Variants in BCR observed in about 807,000 individuals in gnomAD.
The protein encoded by BCR is breakpoint cluster region protein.
A neutral mutation model predicts 138.6 loss-of-function variants in BCR; 58 were observed. That is an observed-to-expected ratio of 0.42 (90% CI 0.34 to 0.52). The LOEUF is 0.52. BCR is among the 20% of genes least tolerant of loss of function. The pLI is 0.06. For synonymous variants in BCR, 786 were observed against 730.1 expected, an observed-to-expected ratio of 1.08 and a Z score of -1.23; for missense variants, 1,599 against 1,727.2, an observed-to-expected ratio of 0.93 and a Z score of 1.32.
intron 1 of BCR, among the ~76,000 whole-genome samples, chr22:23,239,085 T>G (rs2073058919): frequency 1.3e-5 from 2 of 152,154 alleles, no homozygotes; most frequent in Admixed American, 1.3e-4. Context: ...AGCTTGTCGC[T>G]TTAGTACCTC....
rs554866495 is a variant in BCR at position 23,252,471 on chromosome 22, C to T, written c.1280-1328C>T. 1.9e-4 allele frequency among the ~76,000 whole-genome samples: 25 copies of T among 134,002 alleles called. No individual in the cohort carries two copies. The South Asian group carries it at 2.0e-3, about 11-fold the overall frequency. The allele number at this position is 134,002 out of a possible 152,430, so 87.9% of individuals were successfully genotyped here. On this transcript the variant is annotated intron_variant, in intron 1 of 22. Transcript: ENST00000305877. ...TTTGAGACAGAGTCTTGCTCTGTCA[C>T]CTAGGCTGGAGTGCAGTGGTGCAAT...
chr22:23,203,587 G>C (rs1472436863), intron 1 of BCR, among the ~76,000 whole-genome samples: 1 of 152,178 alleles, frequency 6.6e-6, no homozygotes, highest in Non-Finnish European at 1.5e-5. Context: ...TGATAGGGAG[G>C]AGCCCTGAGC....
intron 8 of BCR, among the ~76,000 whole-genome samples, chr22:23,278,692 A>T (rs1000675501): frequency 6.6e-6 from 1 of 152,078 alleles, no homozygotes; most frequent in Non-Finnish European, 1.5e-5. Context: ...ACGCCATTGC[A>T]CTCTGCACTC....
At position 23,226,579 on chromosome 22, in the gene BCR, G is replaced by T. The variant is rs558981246; in HGVS notation, c.1280-27220G>T. The stretch of plus-strand genomic sequence containing the variant: ...AGGCCTCTCCCTCACATTTAGGCCA[G>T]GGGTTGGCAAATTGCAGCTTAGTCC... On this transcript the variant is annotated intron_variant, in intron 1 of 22. Coordinates refer to ENST00000305877, the MANE Select transcript of BCR (RefSeq NM_004327.4). 3.3e-5 allele frequency among the ~76,000 whole-genome samples: 5 copies of T among 152,342 alleles called. No homozygotes were observed. In the South Asian group the frequency reaches 1.0e-3, roughly 32 times the overall value.
chr22:23,255,136 T>C (rs901057439), intron 2 of BCR, among the ~76,000 whole-genome samples: 1 of 152,256 alleles, frequency 6.6e-6, no homozygotes, highest in Admixed American at 6.5e-5. Context: ...GCTGCTTTTT[T>C]CTGGGGCTGA....
chr22:23,280,306 G>C (rs1334850089), intron 8 of BCR, among the ~76,000 whole-genome samples: 1 of 152,210 alleles, frequency 6.6e-6, no homozygotes, highest in Non-Finnish European at 1.5e-5. Context: ...GCAAGGAGGT[G>C]CCCCTCCTCA....
chr22:23,182,015 G>T lies in BCR; in HGVS notation c.1055G>T (p.Arg352Leu). The T allele has an allele frequency of 6.2e-7, 1 of 1,612,838 alleles. No homozygotes were observed. Among genetic ancestry groups the T allele is most frequent in the South Asian group, 1.1e-5 (1 of 91,028 alleles). ...EEDFSSGQSSRVSPSPTTYRM... is the reference protein window; with the variant it reads ...EEDFSSGQSSLVSPSPTTYRM... ...GACTTCTCCTCTGGCCAGTCCAGCCGCGTGTCCCCAAGCCCCACCACCTAC... is the reference window on the plus strand; with the variant it reads ...GACTTCTCCTCTGGCCAGTCCAGCCTCGTGTCCCCAAGCCCCACCACCTAC... Residue 352 changes from arginine to leucine, a missense_variant, in exon 1 of 23, where the codon CGC (arginine) becomes CTC (leucine). Physicochemically the swap from Arg to Leu is moderately radical, Grantham distance 102. This residue lies in a region of BCR where 806 missense variants were observed against 635.0 expected (regional missense o/e 1.27). Transcript: ENST00000305877.
chr22:23,279,148 A>G (rs1349265366), intron 8 of BCR, among the ~76,000 whole-genome samples: 1 of 152,190 alleles, frequency 6.6e-6, no homozygotes, highest in East Asian at 1.9e-4. Context: ...GAGCTCAGCA[A>G]ACATTAGCTG....
At chr22:23,229,834 G>C (rs566793912) in intron 1 of BCR, among the ~76,000 whole-genome samples, 68 of 152,348 alleles carry the variant, frequency 4.5e-4, no homozygotes, top group African/African-American at 1.6e-3. Flanking sequence ...GCTGGTGAAG[G>C]GGGCAGGGGC....
intron 1 of BCR, among the ~76,000 whole-genome samples, chr22:23,201,452 T>TG (rs1568930586): frequency 3.0e-5 from 4 of 135,412 alleles, no homozygotes; most frequent in Non-Finnish European, 4.6e-5. Flanking sequence ...TCAGTGAATC[T>TG]GGTTTTTTTG....
At chr22:23,267,015 T>TG (rs1237993548) in intron 4 of BCR, among the ~76,000 whole-genome samples, 1 of 152,106 alleles carries the variant, frequency 6.6e-6, no homozygotes, top group African/African-American at 2.4e-5. Flanking sequence ...GCAGTCTCCT[T>TG]GCTCTCAGTC....
At chr22:23,289,288 GTC>G in intron 12 of BCR, among the ~76,000 whole-genome samples, 1 of 152,342 alleles carries the variant, frequency 6.6e-6, no homozygotes, top group South Asian at 2.1e-4. Context: ...GTGTTTGTAA[GTC>G]TCATGCTAAG....
intron 1 of BCR, among the ~76,000 whole-genome samples, chr22:23,222,743 C>G (rs1160171189): frequency 6.6e-6 from 1 of 152,176 alleles, no homozygotes; most frequent in African/African-American, 2.4e-5. Context: ...CTCCCTCATG[C>G]CCATGCTGTT....
intron 1 of BCR, among the ~76,000 whole-genome samples, chr22:23,243,894 G>A (rs2146258084): frequency 6.6e-6 from 1 of 152,230 alleles, no homozygotes; most frequent in Non-Finnish European, 1.5e-5. Flanking sequence ...GCCTGCCTCA[G>A]CCTCCCAAAG....
Position 23,290,384 on chromosome 22 carries a change from A to T in BCR, c.2753A>T (p.His918Leu), listed in dbSNP as rs142630372. 2.5e-6 allele frequency: 4 copies of T among 1,613,910 alleles called. No individual in the cohort carries two copies. In the African/African-American group the frequency reaches 5.3e-5, roughly 22 times the overall value. ...TATGGGTTTCTGAATGTCATCGTCCACTCAGCCACTGGATTTAAGCAGAGT... is the reference window on the plus strand; with the variant it reads ...TATGGGTTTCTGAATGTCATCGTCCTCTCAGCCACTGGATTTAAGCAGAGT... ...GLYGFLNVIV[H>L]SATGFKQSSN... Residue 918 changes from histidine to leucine, a missense_variant, in exon 14 of 23, where the codon CAC (histidine) becomes CTC (leucine). His to Leu is a moderately conservative substitution (Grantham distance 99, BLOSUM62 -3). This residue lies in a region of BCR where 590 missense variants were observed against 762.4 expected (regional missense o/e 0.77). Transcript: ENST00000305877.
At chr22:23,261,654 A>T in intron 4 of BCR, 114 bp downstream of exon 4, 1 of 1,153,952 alleles carries the variant, frequency 8.7e-7, no homozygotes, top group Non-Finnish European at 1.2e-6. Flanking sequence ...CTGGTCTCAA[A>T]CTCCTAACCT....
chr22:23,255,180 G>A (rs551163439), intron 2 of BCR, among the ~76,000 whole-genome samples: 8 of 152,272 alleles, frequency 5.3e-5, no homozygotes, highest in South Asian at 2.1e-4. Context: ...TGCTGCTTAC[G>A]TATATACTTT....
intron 16 of BCR, among the ~76,000 whole-genome samples, chr22:23,297,317 G>A (rs907093209): frequency 6.7e-6 from 1 of 150,074 alleles, no homozygotes; most frequent in Non-Finnish European, 1.5e-5. Context: ...CCGGGTTCAA[G>A]CGATTCTCCT....
intron 10 of BCR, among the ~76,000 whole-genome samples, chr22:23,285,641 C>T (rs1297342037): frequency 6.6e-6 from 1 of 152,172 alleles, no homozygotes; most frequent in Non-Finnish European, 1.5e-5. Context: ...TGTGTTTTCA[C>T]TGGCATCCCC....
Sources: allele counts gnomAD v4.1 joint callset (sites outside exome capture counted in the v4.1 genomes callset), GRCh38; gene constraint gnomAD v4.1.1; regional missense constraint gnomAD v4.1.1; transcripts MANE v1.5; gene names NCBI Gene and HGNC (gene_info 2026-07-23, HGNC 2026-07-21).